The following SKAP1 variants were observed in gnomAD, a reference collection of about 807,000 sequenced individuals.
SKAP1 encodes src kinase associated phosphoprotein 1.
A neutral mutation model predicts 58.5 loss-of-function variants in SKAP1; 44 were observed. That is an observed-to-expected ratio of 0.75 (90% CI 0.59 to 0.97). The LOEUF is 0.97. SKAP1 is among the 50% of genes least tolerant of loss of function. The pLI is 0.00. For missense variants in SKAP1, 390 were observed against 435.2 expected (o/e 0.90, Z 0.92); for synonymous variants, 127 against 149.7 (o/e 0.85, Z 1.11).
At chr17:48,164,936 A>G (rs2064115763) in intron 10 of SKAP1, among the ~76,000 whole-genome samples, 1 of 152,234 alleles carries the variant, frequency 6.6e-6, no homozygotes, top group African/African-American at 2.4e-5. Flanking sequence ...CAACTTCACT[A>G]ATTCATTCTC....
At chr17:48,155,780 C>T (rs2063968300) in intron 11 of SKAP1, among the ~76,000 whole-genome samples, 1 of 152,082 alleles carries the variant, frequency 6.6e-6, no homozygotes, top group African/African-American at 2.4e-5. Flanking sequence ...TCGCTTGAAC[C>T]CGGGAGGCAG....
chr17:48,443,269 AT>A, the SKAP1 span, among the ~76,000 whole-genome samples: 1 of 152,364 alleles, frequency 6.6e-6, no homozygotes, highest in East Asian at 1.9e-4. Flanking sequence ...TATTAAAATT[AT>A]TAAAAGTAAT....
At chr17:48,401,682 G>A (rs927870330) in intron 1 of SKAP1, among the ~76,000 whole-genome samples, 1 of 151,956 alleles carries the variant, frequency 6.6e-6, no homozygotes, top group African/African-American at 2.4e-5. Flanking sequence ...GAAAAAGACA[G>A]GTGTAAATCT....
At chr17:48,242,230 A>G (rs566255588) in intron 4 of SKAP1, among the ~76,000 whole-genome samples, 1 of 152,276 alleles carries the variant, frequency 6.6e-6, no homozygotes, top group South Asian at 2.1e-4. Context: ...TAACTGAATT[A>G]GCTGTATTAA....
At chr17:48,284,578 A>G (rs573880537) in intron 4 of SKAP1, among the ~76,000 whole-genome samples, 1 of 145,154 alleles carries the variant, frequency 6.9e-6, no homozygotes, top group East Asian at 1.9e-4. Flanking sequence ...GCTTCCAAAA[A>G]GCACAGTTGG....
intron 4 of SKAP1, among the ~76,000 whole-genome samples, chr17:48,290,217 G>T (rs1313959276): frequency 6.6e-6 from 1 of 152,112 alleles, no homozygotes; most frequent in Non-Finnish European, 1.5e-5. Flanking sequence ...CTAAACATGG[G>T]TTACAAGGTA....
At chr17:48,244,363 C>T (rs1490084812) in intron 4 of SKAP1, among the ~76,000 whole-genome samples, 1 of 152,172 alleles carries the variant, frequency 6.6e-6, no homozygotes, top group East Asian at 1.9e-4. Context: ...AGATAACACT[C>T]CCCAAATGGA....
chr17:48,312,727 G>C (rs185209170), intron 4 of SKAP1, among the ~76,000 whole-genome samples: 50 of 152,310 alleles, frequency 3.3e-4, no homozygotes, highest in Non-Finnish European at 6.3e-4. Flanking sequence ...GGAAAAGAGA[G>C]TGTGAGAGAG....
At chr17:48,170,709 G>GT in intron 9 of SKAP1, 50 bp from the exon 10 acceptor site, 3 of 1,323,248 alleles carry the variant, frequency 2.3e-6, no homozygotes. Flanking sequence ...ACAGTCTCAT[G>GT]TTCTTTTTTT....
intron 4 of SKAP1, among the ~76,000 whole-genome samples, chr17:48,203,389 A>G (rs766249319): frequency 2.6e-5 from 4 of 152,210 alleles, no homozygotes; most frequent in Non-Finnish European, 4.4e-5. Context: ...ATGAAATAGC[A>G]AAGTTTAGAA....
chr17:48,298,065 AC>A (rs2144113090), intron 4 of SKAP1, among the ~76,000 whole-genome samples: 1 of 152,236 alleles, frequency 6.6e-6, no homozygotes, highest in Admixed American at 6.5e-5. Context: ...TGCACATTTG[AC>A]CTGCCTCTTG....
intron 4 of SKAP1, among the ~76,000 whole-genome samples, chr17:48,293,020 C>T (rs9898383): frequency 0.62 from 93,536 of 151,960 alleles, 29,538 homozygotes; most frequent in African/African-American, 0.76. Flanking sequence ...TGAAAATATA[C>T]GTCGTAAAAC....
At chr17:48,159,905 G>T (rs1224685254) in intron 11 of SKAP1, among the ~76,000 whole-genome samples, 1 of 152,190 alleles carries the variant, frequency 6.6e-6, no homozygotes, top group Admixed American at 6.5e-5. Flanking sequence ...GTTCAGCTGA[G>T]CTCTTAACTT....
At chr17:48,164,137 T>C (rs1453667147) in intron 10 of SKAP1, among the ~76,000 whole-genome samples, 4 of 152,184 alleles carry the variant, frequency 2.6e-5, no homozygotes, top group African/African-American at 9.7e-5. Context: ...TTTGGAAATA[T>C]TAAGTACATG....
chr17:48,247,499 A>G (rs1015955834), intron 4 of SKAP1, among the ~76,000 whole-genome samples: 1 of 152,096 alleles, frequency 6.6e-6, no homozygotes, highest in Admixed American at 6.6e-5. Context: ...TTCCTCTATC[A>G]TTCATTTTCT....
At chr17:48,405,463 T>TTTCTTTCC (rs2067568241) in intron 1 of SKAP1, among the ~76,000 whole-genome samples, 3 of 125,762 alleles carry the variant, frequency 2.4e-5, no homozygotes, top group East Asian at 2.1e-4. Flanking sequence ...TCTTTCTTTC[T>TTTCTTTCC]TTCCTTCCTT....
intron 1 of SKAP1, among the ~76,000 whole-genome samples, chr17:48,424,980 C>T (rs1332185126): frequency 6.6e-6 from 1 of 150,928 alleles, no homozygotes; most frequent in Non-Finnish European, 1.5e-5. Flanking sequence ...CTCAGTAAGG[C>T]CAGGCGGGGT....
chr17:48,430,300 C>T (rs1361196164), upstream of SKAP1: 5 of 329,134 alleles, frequency 1.5e-5, no homozygotes, highest in African/African-American at 2.2e-5. Context: ...GCGCGGGCGG[C>T]AGGCGGGGAC....
At chr17:48,258,502 T>C (rs1044946298) in intron 4 of SKAP1, among the ~76,000 whole-genome samples, 1 of 152,142 alleles carries the variant, frequency 6.6e-6, no homozygotes, top group Non-Finnish European at 1.5e-5. Context: ...CTCCACTCTG[T>C]AATGCACTGC....
Sources: allele counts gnomAD v4.1 joint callset (sites outside exome capture counted in the v4.1 genomes callset), GRCh38; gene constraint gnomAD v4.1.1; transcripts MANE v1.5; gene names NCBI Gene and HGNC (gene_info 2026-07-23, HGNC 2026-07-21).